PAQR5: variants seen among roughly 807,000 people sequenced by gnomAD.
PAQR5 encodes the protein progestin and adipoQ receptor family member 5.
In PAQR5, 20 loss-of-function variants were observed where a neutral mutation model predicts 34.5. That is an observed-to-expected ratio of 0.58 (90% CI 0.41 to 0.84). The LOEUF (loss-of-function observed/expected upper bound fraction) is 0.84. Among genes scored for constraint, PAQR5 ranks in the 40% least tolerant of loss-of-function variants. The pLI is 0.00. For synonymous variants in PAQR5, 131 were observed against 155.6 expected (o/e 0.84, Z 1.18); for missense variants, 378 against 412.7 (o/e 0.92, Z 0.73).
intron 2 of PAQR5, among the ~76,000 whole-genome samples, chr15:69,338,730 A>G (rs2054567941): frequency 6.6e-6 from 1 of 152,200 alleles, no homozygotes; most frequent in African/African-American, 2.4e-5. Context: ...AATCAAAGAG[A>G]TCGAACTTAA....
chr15:69,376,257 C>T (rs2055702539), intron 3 of PAQR5, among the ~76,000 whole-genome samples: 1 of 152,136 alleles, frequency 6.6e-6, no homozygotes, highest in Admixed American at 6.5e-5. Flanking sequence ...GGCCAAGCTA[C>T]GAAGTGTTGA....
rs2056733289 is a variant in PAQR5 at position 69,404,926 on chromosome 15, A to G, written c.*1104A>G. The stretch of plus-strand genomic sequence containing the variant: ...GGAGCAAGTCTCCCAGATGATTCTA[A>G]TACAGGAGGGCCAGAGGCCAAACTT... On this transcript the variant is annotated 3_prime_UTR_variant, in exon 9 of 9. Transcript: ENST00000395407. 1 of 398,482 alleles carries G rather than the reference A, an allele frequency of 2.5e-6. No individual in the cohort carries two copies. Among genetic ancestry groups the G allele is most frequent in the South Asian group, 1.3e-4 (1 of 7,864 alleles). 24.7% of individuals were successfully genotyped at this position (398,482 alleles called of 1,614,324 possible). A position where few individuals can be genotyped will look rare whatever the true frequency, so the allele number is the denominator to read the frequency against.
intron 1 of PAQR5, among the ~76,000 whole-genome samples, chr15:69,329,435 A>C (rs1330689986): frequency 7.2e-6 from 1 of 139,370 alleles, no homozygotes; most frequent in African/African-American, 2.7e-5. Flanking sequence ...TTATATATGT[A>C]TATTTTACCT....
chr15:69,302,969 C>A (rs927833398), intron 1 of PAQR5, among the ~76,000 whole-genome samples: 4 of 152,188 alleles, frequency 2.6e-5, no homozygotes, highest in African/African-American at 9.7e-5. Flanking sequence ...GGCTCACATC[C>A]CCTTCTGATG....
At chr15:69,379,422 G>T in intron 3 of PAQR5, 5 of 985,354 alleles carry the variant, frequency 5.1e-6, no homozygotes, top group Non-Finnish European at 6.0e-6. Context: ...AAGCACCTTG[G>T]TGAATATATC....
chr15:69,393,680 G>A (rs566011567), intron 6 of PAQR5, among the ~76,000 whole-genome samples: 83 of 152,226 alleles, frequency 5.5e-4, no homozygotes, highest in African/African-American at 1.9e-3. Flanking sequence ...TCCAGGGAGG[G>A]GAAGACCTCC....
At position 69,384,946 on chromosome 15, in the gene PAQR5, G is replaced by A. The variant is rs576616079; in HGVS notation, c.385+64G>A. ...CCGGGCTGTTTGCCCCTTCTCCTGTGAGCTAGGGTCACCAGAAGGCTTTGA... is the reference window on the plus strand; with the variant it reads ...CCGGGCTGTTTGCCCCTTCTCCTGTAAGCTAGGGTCACCAGAAGGCTTTGA... On this transcript the variant is annotated intron_variant, in intron 5 of 8. Transcript: ENST00000395407. The A allele has an allele frequency of 1.1e-4, 140 of 1,238,688 alleles. No homozygotes were observed. The African/African-American group carries it at 1.9e-3, about 17-fold the overall frequency. The allele number at this position is 1,238,688 out of a possible 1,614,324, so 76.7% of individuals were successfully genotyped here.
rs866162346 is a variant in PAQR5 at position 69,300,643 on chromosome 15, T to C, written c.-277+1587T>C. Among the ~76,000 whole-genome samples, 10 of 30,708 alleles carry C rather than the reference T, an allele frequency of 3.3e-4. 1 individual carries two copies. The highest frequency in any genetic ancestry group is 1.6e-3 in the Admixed American group (4 of 2,556). The allele number at this position is 30,708 out of a possible 152,430, so 20.1% of individuals were successfully genotyped here. On this transcript the variant is annotated intron_variant, in intron 1 of 8. Coordinates refer to ENST00000395407, the MANE Select transcript of PAQR5 (RefSeq NM_017705.4). ...TTTCTTTCTTTCTTTCTTTCTTTCT[T>C]TCTTTCTTTTCTTTCTTTCTTTCAT...
Position 69,403,988 on chromosome 15 carries a change from C to T in PAQR5, c.*166C>T, listed in dbSNP as rs577194718. On this transcript the variant is annotated 3_prime_UTR_variant, in exon 9 of 9. Coordinates refer to ENST00000395407, the MANE Select transcript of PAQR5 (RefSeq NM_017705.4). ...ATGTTATTCAGCTGGGGAAATTTCT[C>T]TAAATGTACACTGATTCTGTGTGTG... The T allele has an allele frequency of 2.8e-6, 2 of 702,930 alleles. No individual in the cohort carries two copies. Among genetic ancestry groups the T allele is most frequent in the Non-Finnish European group, 4.6e-6 (2 of 432,064 alleles). The allele number at this position is 702,930 out of a possible 1,614,324, so 43.5% of individuals were successfully genotyped here.
chr15:69,397,580 A>C lies in PAQR5; in HGVS notation c.609+16A>C, dbSNP rs2056482929. On this transcript the variant is annotated intron_variant, in intron 7 of 8. Coordinates refer to ENST00000395407, the MANE Select transcript of PAQR5 (RefSeq NM_017705.4). ...CTTCTACAGGGTAAGGACTGGCTGC[A>C]TCTCCTCTCTGCCTGTTGGCAACAC... The C allele has an allele frequency of 6.7e-7, 1 of 1,500,320 alleles. No homozygotes were observed. The highest frequency in any genetic ancestry group is 9.3e-7 in the Non-Finnish European group (1 of 1,076,156). The allele number at this position is 1,500,320 out of a possible 1,614,324, so 92.9% of individuals were successfully genotyped here.
At chr15:69,342,258 G>A (rs1341809329) in intron 2 of PAQR5, among the ~76,000 whole-genome samples, 1 of 148,340 alleles carries the variant, frequency 6.7e-6, no homozygotes, top group Non-Finnish European at 1.5e-5. Context: ...CCTATTGGTT[G>A]TTTGTTCTTT....
intron 3 of PAQR5, among the ~76,000 whole-genome samples, chr15:69,369,288 C>A (rs2055489428): frequency 6.6e-6 from 1 of 152,168 alleles, no homozygotes; most frequent in Non-Finnish European, 1.5e-5. Flanking sequence ...GTAATCCCAA[C>A]ACTTTGGGAG....
chr15:69,395,744 G>A (rs180698162), intron 6 of PAQR5, among the ~76,000 whole-genome samples: 221 of 152,220 alleles, frequency 1.5e-3, no homozygotes, highest in African/African-American at 4.8e-3. Flanking sequence ...TCACAGTGCT[G>A]CGCTGCCTCA....
chr15:69,300,565 T>C (rs2053510875), intron 1 of PAQR5, among the ~76,000 whole-genome samples: 1 of 150,124 alleles, frequency 6.7e-6, no homozygotes. Context: ...ATGCTTTTCT[T>C]TCTTTCTCTT....
intron 5 of PAQR5, among the ~76,000 whole-genome samples, chr15:69,387,996 G>A (rs1000234332): frequency 2.0e-5 from 3 of 152,210 alleles, no homozygotes; most frequent in Non-Finnish European, 4.4e-5. Flanking sequence ...CACAGAAGAT[G>A]CTTCCAATCT....
chr15:69,309,171 C>T (rs12917235), intron 1 of PAQR5, among the ~76,000 whole-genome samples: 62,146 of 151,898 alleles, frequency 0.41, 12,949 homozygotes, highest in African/African-American at 0.5. Flanking sequence ...CCGGGAGAGC[C>T]TGCAGACTGA....
Position 69,326,276 on chromosome 15 carries a change from G to A in PAQR5, c.-276-11065G>A, listed in dbSNP as rs546627052. On this transcript the variant is annotated intron_variant, in intron 1 of 8. Coordinates refer to ENST00000395407, the MANE Select transcript of PAQR5 (RefSeq NM_017705.4). ...CCCAGCCAAGCCTGGCAGGAGTAGT[G>A]AGGCCTCAGCAAACCTAAGGGTGAG... Among the ~76,000 whole-genome samples the A allele has an allele frequency of 5.7e-4, 87 of 152,154 alleles. 1 individual carries two copies. Among genetic ancestry groups the A allele is most frequent in the Non-Finnish European group, 1.0e-3 (71 of 68,032 alleles).
intron 1 of PAQR5, among the ~76,000 whole-genome samples, chr15:69,334,960 C>T (rs972749595): frequency 5.9e-5 from 9 of 152,080 alleles, no homozygotes; most frequent in African/African-American, 1.9e-4. Context: ...CGGTGGCTCA[C>T]GCCTGTAATC....
chr15:69,334,083 A>G (rs1212574605), intron 1 of PAQR5, among the ~76,000 whole-genome samples: 1 of 152,112 alleles, frequency 6.6e-6, no homozygotes, highest in Non-Finnish European at 1.5e-5. Context: ...GACTGGAGGC[A>G]GTGGCGCAGT....
Sources: allele counts gnomAD v4.1 joint callset (sites outside exome capture counted in the v4.1 genomes callset), GRCh38; gene constraint gnomAD v4.1.1; transcripts MANE v1.5; gene names NCBI Gene and HGNC (gene_info 2026-07-23, HGNC 2026-07-21).